The following SIPA1L2 variants were observed in gnomAD, a reference collection of about 807,000 sequenced individuals.
SIPA1L2 encodes signal-induced proliferation-associated 1-like protein 2.
Under a neutral mutation model 163.9 loss-of-function variants are expected in SIPA1L2, and 56 were observed. The observed-to-expected ratio is 0.34, with a 90% CI of 0.28 to 0.43. SIPA1L2 has a LOEUF of 0.43. Among genes scored for constraint, SIPA1L2 ranks in the 20% least tolerant of loss-of-function variants. SIPA1L2 has a pLI of 1.00. For missense variants in SIPA1L2, 1,974 were observed against 2,193.5 expected, an observed-to-expected ratio of 0.90 and a Z score of 2.00; for synonymous variants, 877 against 865.7, an observed-to-expected ratio of 1.01 and a Z score of -0.23.
In SIPA1L2 at chr1:232,502,336, T is replaced by C. The variant is rs565145621; in HGVS notation, c.1484-8676A>G. Among the ~76,000 whole-genome samples, 38 of 152,284 alleles carry C rather than the reference T, an allele frequency of 2.5e-4. No homozygotes were observed. The South Asian group carries it at 6.4e-3, about 26-fold the overall frequency. On this transcript the variant is annotated intron_variant, in intron 3 of 22. Transcript: ENST00000674635. ...AACTGCATCATCGAGTATTTTGATTTTGAGCCCAAAACTCCGGCACAGTTC... is the reference window on the plus strand; with the variant it reads ...AACTGCATCATCGAGTATTTTGATTCTGAGCCCAAAACTCCGGCACAGTTC...
At chr1:232,477,118 C>A (rs923908285) in intron 7 of SIPA1L2, among the ~76,000 whole-genome samples, 1 of 152,164 alleles carries the variant, frequency 6.6e-6, no homozygotes, top group Non-Finnish European at 1.5e-5. Flanking sequence ...TATCCACAAA[C>A]AGAACATTCT....
rs1766574 is a variant in SIPA1L2 at position 232,460,907 on chromosome 1, A to G, written c.3075T>C (p.His1025=). 0.063 allele frequency: 102,048 copies of G among 1,613,842 alleles called. 3,724 individuals carry two copies. Among genetic ancestry groups the G allele is most frequent in the Non-Finnish European group, 0.074 (87,171 of 1,179,762 alleles). ...CTTACCTTCGGGGCGAGCCGTCATC[A>G]TGGGGCTGGATGATGACCACCTTCA... The part of the protein sequence containing the change: ...VTVKVVIIQP[H]DDGSPRRGCS... The change falls in exon 10 of 23, where the codon CAT becomes CAC. Residue 1025 remains histidine (H), a synonymous_variant. Coordinates refer to ENST00000674635, the MANE Select transcript of SIPA1L2 (RefSeq NM_020808.5).
At chr1:232,539,031 A>C (rs1558253982) in intron 2 of SIPA1L2, among the ~76,000 whole-genome samples, 1 of 152,260 alleles carries the variant, frequency 6.6e-6, no homozygotes, top group Non-Finnish European at 1.5e-5. Context: ...AGTAGCAGTC[A>C]CATGCTCTGT....
At chr1:232,602,644 T>C (rs1441109327) in intron 1 of SIPA1L2, among the ~76,000 whole-genome samples, 2 of 103,838 alleles carry the variant, frequency 1.9e-5, no homozygotes, top group African/African-American at 6.2e-5. Flanking sequence ...CAGAAGGTTA[T>C]TTAAGCAGGG....
At chr1:232,480,150 TGTGC>T (rs1337171659) in intron 6 of SIPA1L2, among the ~76,000 whole-genome samples, 3 of 124,958 alleles carry the variant, frequency 2.4e-5, no homozygotes, top group East Asian at 4.2e-4. Context: ...TGTGTGTGTG[TGTGC>T]GTGTGTGTGT....
chr1:232,480,154 C>CGTGTGTGT (rs536840154), intron 6 of SIPA1L2, among the ~76,000 whole-genome samples: 1,564 of 132,778 alleles, frequency 0.012, 10 homozygotes, highest in African/African-American at 0.02. Flanking sequence ...TGTGTGTGTG[C>CGTGTGTGT]GTGTGTGTGT....
intron 2 of SIPA1L2, among the ~76,000 whole-genome samples, chr1:232,533,754 A>G (rs575634191): frequency 6.6e-6 from 1 of 152,316 alleles, no homozygotes; most frequent in South Asian, 2.1e-4. Flanking sequence ...CCATGTAAAG[A>G]CAAGAACACT....
At chr1:232,451,462 G>C (rs1417198238) in intron 10 of SIPA1L2, among the ~76,000 whole-genome samples, 1 of 152,156 alleles carries the variant, frequency 6.6e-6, no homozygotes, top group African/African-American at 2.4e-5. Flanking sequence ...ATTTCGATGA[G>C]TTAAATAAAG....
intron 2 of SIPA1L2, among the ~76,000 whole-genome samples, chr1:232,558,187 G>A (rs758108402): frequency 1.3e-5 from 2 of 152,132 alleles, no homozygotes; most frequent in South Asian, 2.1e-4. Context: ...AAGAAGCCTC[G>A]AGGTAAGATT....
At chr1:232,485,335 T>G (rs1369402120) in intron 5 of SIPA1L2, among the ~76,000 whole-genome samples, 1 of 152,174 alleles carries the variant, frequency 6.6e-6, no homozygotes, top group South Asian at 2.1e-4. Flanking sequence ...GATCTGTACC[T>G]TGAGTGTGGG....
At chr1:232,572,815 G>T in intron 2 of SIPA1L2, among the ~76,000 whole-genome samples, 1 of 142,342 alleles carries the variant, frequency 7.0e-6, no homozygotes. Flanking sequence ...ACAAAGTCTA[G>T]CTGCCCAGGC....
chr1:232,608,146 A>G (rs528521811), intron 1 of SIPA1L2, among the ~76,000 whole-genome samples: 1 of 151,554 alleles, frequency 6.6e-6, no homozygotes, highest in South Asian at 2.1e-4. Context: ...TCCAGACTTA[A>G]GCGACTCTCA....
At chr1:232,521,438 T>C (rs1317076654) in intron 2 of SIPA1L2, among the ~76,000 whole-genome samples, 9 of 152,204 alleles carry the variant, frequency 5.9e-5, no homozygotes, top group Non-Finnish European at 1.2e-4. Flanking sequence ...GTTTCCTTTA[T>C]ACTGATTTGT....
intron 8 of SIPA1L2, among the ~76,000 whole-genome samples, chr1:232,466,648 G>T (rs1178708610): frequency 2.0e-5 from 3 of 152,144 alleles, no homozygotes; most frequent in South Asian, 2.1e-4. Flanking sequence ...AAAATTAGCC[G>T]GGCGTGGTGG....
chr1:232,542,874 G>A (rs1468671698), intron 2 of SIPA1L2, among the ~76,000 whole-genome samples: 1 of 152,168 alleles, frequency 6.6e-6, no homozygotes, highest in African/African-American at 2.4e-5. Flanking sequence ...CTGTGTGTCT[G>A]CAAATAGCCT....
intron 19 of SIPA1L2, among the ~76,000 whole-genome samples, chr1:232,406,344 T>C (rs10495321): frequency 0.065 from 9,920 of 152,290 alleles, 913 homozygotes; most frequent in East Asian, 0.48. Flanking sequence ...CTTTCCTGTG[T>C]GAGCAGATCT....
intron 3 of SIPA1L2, among the ~76,000 whole-genome samples, chr1:232,507,888 G>A (rs1666799868): frequency 1.3e-5 from 2 of 152,298 alleles, no homozygotes; most frequent in South Asian, 4.1e-4. Flanking sequence ...AATAGCAGGA[G>A]TAAGCTCCAT....
At chr1:232,535,912 T>C (rs867654318) in intron 2 of SIPA1L2, among the ~76,000 whole-genome samples, 2 of 152,230 alleles carry the variant, frequency 1.3e-5, no homozygotes, top group African/African-American at 4.8e-5. Flanking sequence ...AGATTTAATG[T>C]TCCATCAAAG....
chr1:232,468,077 T>C (rs1343986189), intron 8 of SIPA1L2, among the ~76,000 whole-genome samples: 1 of 152,210 alleles, frequency 6.6e-6, no homozygotes, highest in African/African-American at 2.4e-5. Context: ...ATTGTTATGA[T>C]ATTCTGGGTA....
Sources: allele counts gnomAD v4.1 joint callset (sites outside exome capture counted in the v4.1 genomes callset), GRCh38; gene constraint gnomAD v4.1.1; transcripts MANE v1.5; gene names NCBI Gene and HGNC (gene_info 2026-07-23, HGNC 2026-07-21).